The following KDM2A variants were observed in gnomAD, a reference collection of about 807,000 sequenced individuals.
KDM2A encodes the protein lysine demethylase 2A.
Under a neutral mutation model 137.3 loss-of-function variants are expected in KDM2A, and 3 were observed. That is an observed-to-expected ratio of 0.02 (90% CI 0.01 to 0.06). The LOEUF (loss-of-function observed/expected upper bound fraction) is 0.06, where lower values mean the gene tolerates loss of function less well. KDM2A is among the 10% of genes least tolerant of loss of function. The pLI is 1.00. For missense variants in KDM2A, 738 were observed against 1,510.6 expected, an observed-to-expected ratio of 0.49 and a Z score of 8.48; for synonymous variants, 512 against 541.5, an observed-to-expected ratio of 0.95 and a Z score of 0.76.
intron 12 of KDM2A, among the ~76,000 whole-genome samples, chr11:67,240,886 C>G (rs992705677): frequency 6.6e-6 from 1 of 152,136 alleles, no homozygotes; most frequent in African/African-American, 2.4e-5. Flanking sequence ...CACACATACC[C>G]CAGTAACTGA....
At chr11:67,131,412 C>CTTTTTTTTTTTTTTTTTTTTTTTTTTTT (rs563635809) in intron 2 of KDM2A, among the ~76,000 whole-genome samples, 1 of 132,838 alleles carries the variant, frequency 7.5e-6, no homozygotes, top group African/African-American at 2.8e-5. Context: ...GTTTTCTTTT[C>CTTTTTTTTTTTTTTTTTTTTTTTTTTTT]TTTTTTTTTT....
At chr11:67,218,003 T>A (rs1274349016) in intron 9 of KDM2A, 119 bp downstream of exon 9, 1 of 890,714 alleles carries the variant, frequency 1.1e-6, no homozygotes, top group Non-Finnish European at 1.7e-6. Flanking sequence ...CAACAGTGTT[T>A]CTTCCTGTCA....
intron 2 of KDM2A, among the ~76,000 whole-genome samples, chr11:67,158,126 A>C (rs1252946784): frequency 6.6e-6 from 1 of 151,172 alleles, no homozygotes; most frequent in African/African-American, 2.4e-5. Flanking sequence ...CCCATACACC[A>C]GCAACTACGG....
intron 2 of KDM2A, among the ~76,000 whole-genome samples, chr11:67,152,530 C>T (rs984177585): frequency 6.6e-6 from 1 of 151,930 alleles, no homozygotes; most frequent in South Asian, 2.1e-4. Context: ...ATCGCTTGAG[C>T]CTGGGAGGTC....
Position 67,257,129 on chromosome 11 carries a change from G to T in KDM2A, c.*2074G>T, listed in dbSNP as rs1306517978. ...GTTGTCTTTTTATAAAAGGGGAGGT[G>T]GAGAGACCCCTTCAGAGCAGGGATT... On this transcript the variant is annotated 3_prime_UTR_variant, in exon 21 of 21. Transcript: ENST00000529006. 1 of 152,260 alleles carries T rather than the reference G, an allele frequency of 6.6e-6. No homozygotes were observed. The highest frequency in any genetic ancestry group is 1.5e-5 in the Non-Finnish European group (1 of 68,032). 9.4% of individuals were successfully genotyped at this position (152,260 alleles called of 1,614,324 possible). A position where few individuals can be genotyped will look rare whatever the true frequency, so the allele number is the denominator to read the frequency against.
chr11:67,132,895 G>A (rs960278536), intron 2 of KDM2A, among the ~76,000 whole-genome samples: 3 of 152,146 alleles, frequency 2.0e-5, no homozygotes, highest in Non-Finnish European at 2.9e-5. Context: ...TTTGATCCAC[G>A]CAAAAGTTTG....
chr11:67,254,288 A>G lies in KDM2A; in HGVS notation c.3177A>G (p.Ile1059Met), dbSNP rs1277419403. The change falls in exon 20 of 21, where the codon ATA becomes ATG. Residue 1059 changes from isoleucine to methionine, a missense_variant. By Grantham distance (10) the Ile-to-Met change is conservative. Around this residue, in one of 9 missense-constraint regions of KDM2A, gnomAD observed 166 missense variants for 324.0 expected, o/e 0.51. Transcript: ENST00000529006. This position sits in a 1 kb window ranked among gnomAD's most constrained non-coding sequence, Gnocchi z 4.7. The stretch of plus-strand genomic sequence containing the variant: ...TCACAGATGCCACGCTTCGCCTCAT[A>G]ATTCGCCACATGCCCCTCCTGTCTC... ...LDITDATLRL[I>M]IRHMPLLSRL... The G allele has an allele frequency of 6.2e-7, 1 of 1,613,942 alleles. No homozygotes were observed. Among genetic ancestry groups the G allele is most frequent in the Admixed American group, 1.7e-5 (1 of 60,020 alleles).
chr11:67,212,566 G>C (rs1009384453), intron 6 of KDM2A, among the ~76,000 whole-genome samples: 2 of 152,170 alleles, frequency 1.3e-5, no homozygotes, highest in Admixed American at 6.5e-5. Flanking sequence ...TTTGGCCCTA[G>C]TTTTGTTGCA....
intron 5 of KDM2A, among the ~76,000 whole-genome samples, chr11:67,190,935 G>A (rs1002531170): frequency 1.3e-5 from 2 of 152,164 alleles, no homozygotes; most frequent in Non-Finnish European, 2.9e-5. Flanking sequence ...ATCTCCCAAC[G>A]AAGAAAAGGC....
intron 6 of KDM2A, among the ~76,000 whole-genome samples, chr11:67,210,606 A>G (rs1466887681): frequency 6.6e-6 from 1 of 152,196 alleles, no homozygotes; most frequent in Non-Finnish European, 1.5e-5. Context: ...GGGCTCAGAA[A>G]TAGAAAATTA....
chr11:67,240,482 G>C, intron 12 of KDM2A: 1 of 842,270 alleles, frequency 1.2e-6, no homozygotes, highest in South Asian at 1.8e-5. Flanking sequence ...CCAGGACAAT[G>C]CTATGTTACT....
At position 67,257,819 on chromosome 11, in the gene KDM2A, T is replaced by C. The variant is rs1350605577; in HGVS notation, c.*2764T>C. ...GGGATAAGTCTTATGCTATCTCAGT[T>C]GACACATTGAGGTTATTTTGGGCCA... is the stretch of plus-strand genomic sequence containing the variant. On this transcript the variant is annotated 3_prime_UTR_variant, in exon 21 of 21. Transcript: ENST00000529006. 9 of 152,184 alleles carry C rather than the reference T, an allele frequency of 5.9e-5. No individual in the cohort carries two copies. The highest frequency in any genetic ancestry group is 5.2e-4 in the Admixed American group (8 of 15,280). The allele number at this position is 152,184 out of a possible 1,614,324, so 9.4% of individuals were successfully genotyped here.
chr11:67,154,087 A>T (rs1365815521), intron 2 of KDM2A, among the ~76,000 whole-genome samples: 1 of 152,158 alleles, frequency 6.6e-6, no homozygotes, highest in Non-Finnish European at 1.5e-5. Flanking sequence ...AATGTCCTAA[A>T]TAAAATTTTA....
At chr11:67,240,017 C>T (rs1858979421) in intron 12 of KDM2A, 3 of 1,294,384 alleles carry the variant, frequency 2.3e-6, no homozygotes, top group Non-Finnish European at 2.0e-6. Context: ...CTCGCTCACT[C>T]TCGCTCGGCT....
intron 5 of KDM2A, among the ~76,000 whole-genome samples, chr11:67,192,381 A>G (rs1470784749): frequency 1.3e-5 from 2 of 150,062 alleles, no homozygotes; most frequent in African/African-American, 4.9e-5. Context: ...TTGTATGAAT[A>G]TACCATAATT....
At chr11:67,178,111 A>G (rs1013380935) in intron 2 of KDM2A, among the ~76,000 whole-genome samples, 3 of 152,148 alleles carry the variant, frequency 2.0e-5, no homozygotes, top group Non-Finnish European at 4.4e-5. Context: ...TCCTCATTTA[A>G]AGTGTACAAG....
At chr11:67,161,085 G>C (rs1285576478) in intron 2 of KDM2A, among the ~76,000 whole-genome samples, 1 of 152,216 alleles carries the variant, frequency 6.6e-6, no homozygotes, top group Non-Finnish European at 1.5e-5. Context: ...CTAGTGGCCA[G>C]GCACAGTAAT....
intron 3 of KDM2A, 129 bp from the exon 4 acceptor site, chr11:67,181,191 C>CT: frequency 2.1e-6 from 1 of 465,834 alleles, no homozygotes; most frequent in Non-Finnish European, 3.7e-6. Context: ...ATTTTATTGA[C>CT]TAACAGCATA....
At chr11:67,248,415 T>C in intron 16 of KDM2A, 45 bp downstream of exon 16, 1 of 1,349,176 alleles carries the variant, frequency 7.4e-7, no homozygotes, top group Non-Finnish European at 1.0e-6. Context: ...AAAGGAGGCA[T>C]CAAATGTGGG....
Sources: gnomAD v4.1 joint callset for allele counts (sites outside exome capture counted in the v4.1 genomes callset) on GRCh38, gnomAD v4.1.1 for gene constraint, gnomAD v4.1.1 regional missense constraint, Gnocchi (gnomAD v3.1) non-coding constraint, MANE v1.5 for transcripts, NCBI Gene and HGNC (gene_info 2026-07-23, HGNC 2026-07-21) for gene names.